GPR65: variants seen among roughly 807,000 people sequenced by gnomAD.
GPR65 encodes T-cell death-associated gene 8 protein.
Under a neutral mutation model 0.7 loss-of-function variants are expected in GPR65, and 2 were observed. The ratio of observed to expected loss-of-function variants is 2.83; its 90% confidence interval spans 1.16 to 8.92. The LOEUF is 8.92. GPR65 is among the 30% of genes most tolerant of loss of function. The probability of loss-of-function intolerance (pLI) is 0.04; values close to 1 mark genes in which losing one functional copy is unlikely to be tolerated. For missense variants in GPR65, 379 were observed against 399.4 expected (o/e 0.95, Z 0.43); for synonymous variants, 128 against 146.5 (o/e 0.87, Z 0.91).
chr14:88,012,682 T>C lies in GPR65; in HGVS notation c.*821T>C, dbSNP rs1595256047. ...TGTATCAGCACTTCATTTCTTTTTA[T>C]GGCCTGATAGTATTCTGTTGCATGG... On this transcript the variant is annotated 3_prime_UTR_variant, in exon 2 of 2. Coordinates refer to ENST00000267549, the MANE Select transcript of GPR65 (RefSeq NM_003608.4). 1 of 152,250 alleles carries C rather than the reference T, an allele frequency of 6.6e-6. No homozygotes were observed. Among genetic ancestry groups the C allele is most frequent in the South Asian group, 2.1e-4 (1 of 4,834 alleles). The allele number at this position is 152,250 out of a possible 1,614,324, so 9.4% of individuals were successfully genotyped here.
rs1240170648 is a variant in GPR65, at chr14:88,012,160, G to T, written c.*299G>T. On this transcript the variant is annotated 3_prime_UTR_variant, in exon 2 of 2. Transcript: ENST00000267549. ...CCTTAGAGTCAGTAAAGTATGTAGG[G>T]GACTGTTTCTTCCTTTGTGTCTGGG... is the stretch of plus-strand genomic sequence containing the variant. The T allele has an allele frequency of 6.1e-6, 1 of 163,128 alleles. No individual in the cohort carries two copies. The highest frequency in any genetic ancestry group is 1.4e-5 in the Non-Finnish European group (1 of 69,078). 10.1% of individuals were successfully genotyped at this position (163,128 alleles called of 1,614,324 possible).
chr14:88,010,972 A>C lies in GPR65; in HGVS notation c.125A>C (p.Gln42Pro), dbSNP rs1446467484. The stretch of plus-strand genomic sequence containing the variant: ...GGATCTCTGTGTGTGTCTTTCCTGC[A>C]AGCAAAGAAGGAAAGTGAACTAGGA... Reference protein sequence around the residue: ...NIGSLCVSFLQAKKESELGIY... With the variant: ...NIGSLCVSFLPAKKESELGIY... The change falls in exon 2 of 2, where the codon CAA (glutamine) becomes CCA (proline). Residue 42 changes from glutamine (Q) to proline (P), a missense_variant. Gln to Pro is a moderately conservative substitution (Grantham distance 76). Coordinates refer to ENST00000267549, the MANE Select transcript of GPR65 (RefSeq NM_003608.4). 1 of 1,612,864 alleles carries C rather than the reference A, an allele frequency of 6.2e-7. No homozygotes were observed. The highest frequency in any genetic ancestry group is 1.1e-5 in the South Asian group (1 of 91,056).
chr14:88,008,013 C>G (rs945840843), intron 1 of GPR65, among the ~76,000 whole-genome samples: 13 of 152,028 alleles, frequency 8.6e-5, no homozygotes, highest in African/African-American at 3.1e-4. Flanking sequence ...ATTGTTTTCT[C>G]TCAATTACAT....
chr14:88,011,344 AT>A lies in GPR65; in HGVS notation c.501del (p.Phe167LeufsTer10), dbSNP rs1887676593. 1 of 1,614,098 alleles carries A rather than the reference AT, an allele frequency of 6.2e-7. No homozygotes were observed. Among genetic ancestry groups the A allele is most frequent in the South Asian group, 1.1e-5 (1 of 91,080 alleles). On this transcript the variant is annotated frameshift_variant, in exon 2 of 2. Transcript: ENST00000267549. LOFTEE classifies it low-confidence loss of function (END_TRUNC). ...GAATATTGCGATGCCGAAAAGTCTAATTTTACTTTATGCTATGACAAATACC... is the reference window on the plus strand; with the variant it reads ...GAATATTGCGATGCCGAAAAGTCTAATTTACTTTATGCTATGACAAATACC... ...VVEYCDAEKS[N>X]FTLCYDKYPL... is the part of the protein sequence containing the mutation.
At chr14:88,009,746 A>C (rs1180985454) in intron 1 of GPR65, among the ~76,000 whole-genome samples, 2 of 152,190 alleles carry the variant, frequency 1.3e-5, no homozygotes, top group African/African-American at 4.8e-5. Context: ...GAAATTAATG[A>C]TTCCAAGATT....
chr14:88,012,041 T>C lies in GPR65; in HGVS notation c.*180T>C. 1 of 511,664 alleles carries C rather than the reference T, an allele frequency of 2.0e-6. No individual in the cohort carries two copies. Among genetic ancestry groups the C allele is most frequent in the Non-Finnish European group, 3.5e-6 (1 of 283,120 alleles). 31.7% of individuals were successfully genotyped at this position (511,664 alleles called of 1,614,324 possible). On this transcript the variant is annotated 3_prime_UTR_variant, in exon 2 of 2. Transcript: ENST00000267549. ...TGTACAGCTCCCTCCCTGCGTTTTA[T>C]TAAATGATGTATATTAAACAAAGAT...
chr14:88,006,707 C>T (rs928777710), intron 1 of GPR65, among the ~76,000 whole-genome samples: 87 of 152,190 alleles, frequency 5.7e-4, no homozygotes, highest in African/African-American at 2.0e-3. Flanking sequence ...CTTTCTCGGT[C>T]CTGGTCTTAA....
rs57318077 is a variant in GPR65 at position 88,006,531 on chromosome 14, G to C, written c.-460+1309G>C. Among the ~76,000 whole-genome samples, 1,071 of 152,258 alleles carry C rather than the reference G, an allele frequency of 7.0e-3. 16 individuals carry two copies. Among genetic ancestry groups the C allele is most frequent in the East Asian group, 0.044 (229 of 5,180 alleles). On this transcript the variant is annotated intron_variant, in intron 1 of 1. Coordinates refer to ENST00000267549, the MANE Select transcript of GPR65 (RefSeq NM_003608.4). The stretch of plus-strand genomic sequence containing the variant: ...CCTGTCTTGTGGTTAAGTCAAGGCA[G>C]GAAATGCTTTTACAGCTAGAGAAAT...
intron 1 of GPR65, among the ~76,000 whole-genome samples, chr14:88,008,717 T>A (rs1223736204): frequency 6.6e-6 from 1 of 152,218 alleles, no homozygotes; most frequent in Non-Finnish European, 1.5e-5. Context: ...AGTGTTTTTT[T>A]ACTCAACAGC....
At position 88,011,728 on chromosome 14, in the gene GPR65, C is replaced by A; in HGVS notation, c.881C>A (p.Thr294Asn). The change falls in exon 2 of 2, where the codon ACC (threonine) becomes AAC (asparagine). Residue 294 changes from threonine to asparagine, a missense_variant. Coordinates refer to ENST00000267549, the MANE Select transcript of GPR65 (RefSeq NM_003608.4). Reference sequence around the variant, plus strand: ...GATCCAATTCTGTACTGTTTTGTAACCGAAACAGGAAGATATGATATGTGG... The same window carrying A: ...GATCCAATTCTGTACTGTTTTGTAAACGAAACAGGAAGATATGATATGTGG... ...VADPILYCFV[T>N]ETGRYDMWNI... 1 of 1,612,874 alleles carries A rather than the reference C, an allele frequency of 6.2e-7. No homozygotes were observed. Among genetic ancestry groups the A allele is most frequent in the Non-Finnish European group, 8.5e-7 (1 of 1,179,044 alleles).
At chr14:88,005,736 A>G (rs1001575642) in intron 1 of GPR65, among the ~76,000 whole-genome samples, 13 of 152,314 alleles carry the variant, frequency 8.5e-5, no homozygotes, top group African/African-American at 2.9e-4. Flanking sequence ...ATAAGTAACT[A>G]TTAAACTGAT....
chr14:88,010,052 A>G (rs906250593), intron 1 of GPR65, among the ~76,000 whole-genome samples: 2 of 152,216 alleles, frequency 1.3e-5, no homozygotes, highest in Admixed American at 6.5e-5. Context: ...GTATTTACCA[A>G]TCACAGACAA....
intron 1 of GPR65, among the ~76,000 whole-genome samples, chr14:88,007,792 ATGTGTGTGTGTGTG>A (rs3994051): frequency 2.2e-5 from 3 of 136,248 alleles, no homozygotes; most frequent in Non-Finnish European, 4.9e-5. Flanking sequence ...CTCTGTGTGT[ATGTGTGTGTGTGTG>A]TGTGTGTGTG....
intron 1 of GPR65, among the ~76,000 whole-genome samples, chr14:88,008,079 A>C (rs1229736256): frequency 1.3e-5 from 2 of 152,204 alleles, no homozygotes; most frequent in Non-Finnish European, 2.9e-5. Flanking sequence ...TATATGTTCC[A>C]TCTGTGGGTA....
chr14:88,013,128 C>G lies in GPR65; in HGVS notation c.*1267C>G, dbSNP rs1887714437. 6.6e-6 allele frequency: 1 copy of G among 150,500 alleles called. No homozygotes were observed. The highest frequency in any genetic ancestry group is 6.7e-5 in the Admixed American group (1 of 14,962). The allele number at this position is 150,500 out of a possible 1,614,324, so 9.3% of individuals were successfully genotyped here. A position where few individuals can be genotyped will look rare whatever the true frequency, so the allele number is the denominator to read the frequency against. ...GTGGTGCGATCTCCACTCACTGCAG[C>G]CTCCACCTCCCAGGTTCAAGCGATT... On this transcript the variant is annotated 3_prime_UTR_variant, in exon 2 of 2. Coordinates refer to ENST00000267549, the MANE Select transcript of GPR65 (RefSeq NM_003608.4).
Position 88,007,776 on chromosome 14 carries a change from TATTC to T in GPR65, c.-460+2555_-460+2558del, listed in dbSNP as rs201077028. Reference sequence around the variant, plus strand: ...CTCAATCTGACACGTAGTTGCTTATTATTCTCTCTGTGTGTATGTGTGTGTGTGT... The same window carrying T: ...CTCAATCTGACACGTAGTTGCTTATTTCTCTGTGTGTATGTGTGTGTGTGT... On this transcript the variant is annotated intron_variant, in intron 1 of 1. Transcript: ENST00000267549. Among the ~76,000 whole-genome samples the T allele has an allele frequency of 7.8e-3, 1,056 of 135,326 alleles. 16 individuals are homozygous for T. The highest frequency in any genetic ancestry group is 0.052 in the East Asian group (227 of 4,356). The allele number at this position is 135,326 out of a possible 152,430, so 88.8% of individuals were successfully genotyped here.
chr14:88,011,531 T>C lies in GPR65; in HGVS notation c.684T>C (p.Leu228=), dbSNP rs543727657. ...AAAAGAAGAGAATCATAAAACTACT[T>C]GTCAGCATCACAGTTACTTTTGTCT... is the stretch of plus-strand genomic sequence containing the variant. ...NKEKKRIIKL[L]VSITVTFVLC... Residue 228 remains leucine (L), a synonymous_variant, in exon 2 of 2, where the codon CTT becomes CTC. Transcript: ENST00000267549. 9.9e-6 allele frequency: 16 copies of C among 1,613,872 alleles called. No homozygotes were observed. The Admixed American group carries it at 1.5e-4, about 15-fold the overall frequency.
rs950683606 is a variant in GPR65 at position 88,010,945 on chromosome 14, T to C, written c.98T>C (p.Ile33Thr). 1.9e-6 allele frequency: 3 copies of C among 1,612,888 alleles called. No homozygotes were observed. The highest frequency in any genetic ancestry group is 2.7e-5 in the African/African-American group (2 of 75,032). The stretch of plus-strand genomic sequence containing the variant: ...ATTATAGTCAGCATTCCAGCCAATA[T>C]TGGATCTCTGTGTGTGTCTTTCCTG... ...FVIIVSIPAN[I>T]GSLCVSFLQA... Residue 33 changes from isoleucine (I) to threonine (T), a missense_variant, in exon 2 of 2, where the codon ATT becomes ACT. Coordinates refer to ENST00000267549, the MANE Select transcript of GPR65 (RefSeq NM_003608.4).
rs928588484 is a variant in GPR65 at position 88,013,629 on chromosome 14, G to A, written c.*1768G>A. 1 of 152,194 alleles carries A rather than the reference G, an allele frequency of 6.6e-6. No homozygotes were observed. 9.4% of individuals were successfully genotyped at this position (152,194 alleles called of 1,614,324 possible). ...TGCCTGTAATCCCAGCACTTTGGGA[G>A]GCTGAGGTGGGCAGATCGCCTTAGG... is the stretch of plus-strand genomic sequence containing the variant. On this transcript the variant is annotated 3_prime_UTR_variant, in exon 2 of 2. Transcript: ENST00000267549.
Sources: gnomAD v4.1 joint callset for allele counts (sites outside exome capture counted in the v4.1 genomes callset) on GRCh38, gnomAD v4.1.1 for gene constraint, MANE v1.5 for transcripts, NCBI Gene and HGNC (gene_info 2026-07-23, HGNC 2026-07-21) for gene names.